The following KHDRBS3 variants were observed in gnomAD, a reference collection of about 807,000 sequenced individuals.
KHDRBS3 encodes KH domain-containing, RNA-binding, signal transduction-associated protein 3.
Under a neutral mutation model 45.6 loss-of-function variants are expected in KHDRBS3, and 23 were observed. That is an observed-to-expected ratio of 0.50 (90% CI 0.36 to 0.72). KHDRBS3 has a LOEUF of 0.72. Among genes scored for constraint, KHDRBS3 ranks in the 30% least tolerant of loss-of-function variants. The probability of loss-of-function intolerance (pLI) is 0.00; values close to 1 mark genes in which losing one functional copy is unlikely to be tolerated. For synonymous variants in KHDRBS3, 162 were observed against 156.5 expected, an observed-to-expected ratio of 1.04 and a Z score of -0.26; for missense variants, 352 against 424.8, an observed-to-expected ratio of 0.83 and a Z score of 1.51.
chr8:135,481,700 G>A (rs1186535006), intron 1 of KHDRBS3, among the ~76,000 whole-genome samples: 2 of 152,140 alleles, frequency 1.3e-5, no homozygotes, highest in African/African-American at 4.8e-5. Flanking sequence ...GACTTACATC[G>A]TCGACTAACG....
At chr8:135,542,558 A>G (rs543218834) in intron 2 of KHDRBS3, 96 bp from the exon 3 acceptor site, 15 of 741,664 alleles carry the variant, frequency 2.0e-5, no homozygotes, top group South Asian at 1.6e-4. Flanking sequence ...CCATTAATCA[A>G]TGATGTGTAG....
intron 6 of KHDRBS3, among the ~76,000 whole-genome samples, chr8:135,599,877 C>T (rs1829129053): frequency 6.6e-6 from 1 of 152,102 alleles, no homozygotes; most frequent in Non-Finnish European, 1.5e-5. Context: ...GCTGCAGGGC[C>T]GTCACGCAGG....
intron 4 of KHDRBS3, among the ~76,000 whole-genome samples, chr8:135,654,597 G>A (rs926321311): frequency 1.3e-5 from 2 of 152,188 alleles, no homozygotes; most frequent in African/African-American, 4.8e-5. Context: ...GGTCCAGTAA[G>A]GACACCTCCT....
chr8:135,600,543 T>G (rs1248447250), intron 6 of KHDRBS3, among the ~76,000 whole-genome samples: 3 of 152,184 alleles, frequency 2.0e-5, no homozygotes, highest in African/African-American at 7.2e-5. Flanking sequence ...TTCCTAGGTG[T>G]GTGTGGACTG....
intron 6 of KHDRBS3, among the ~76,000 whole-genome samples, chr8:135,585,016 G>C (rs929275226): frequency 6.6e-6 from 1 of 151,416 alleles, no homozygotes; most frequent in Admixed American, 6.6e-5. Context: ...GAGGTCAGGA[G>C]TTCAAGACCA....
At chr8:135,491,426 A>G (rs1823145364) in intron 1 of KHDRBS3, among the ~76,000 whole-genome samples, 1 of 152,242 alleles carries the variant, frequency 6.6e-6, no homozygotes, top group Admixed American at 6.5e-5. Flanking sequence ...GAAAGAAAAA[A>G]AAAATGAACT....
chr8:135,547,247 A>G (rs533817370), intron 3 of KHDRBS3, among the ~76,000 whole-genome samples: 1 of 152,154 alleles, frequency 6.6e-6, no homozygotes, highest in Non-Finnish European at 1.5e-5. Context: ...ATTCCCTTAT[A>G]TTTTTTCCTT....
At chr8:135,463,341 T>A (rs1821527929) in intron 1 of KHDRBS3, among the ~76,000 whole-genome samples, 1 of 152,120 alleles carries the variant, frequency 6.6e-6, no homozygotes, top group African/African-American at 2.4e-5. Flanking sequence ...TCTTACAGCT[T>A]TAGAGGACCT....
chr8:135,628,762 T>C (rs1190927349), intron 7 of KHDRBS3, among the ~76,000 whole-genome samples: 4 of 152,206 alleles, frequency 2.6e-5, no homozygotes, highest in African/African-American at 9.6e-5. Context: ...CTGAGTAATC[T>C]GTCTTCCTGA....
In KHDRBS3 at chr8:135,495,818, A is replaced by G. The variant is rs1823410057; in HGVS notation, c.89-25419A>G. Among the ~76,000 whole-genome samples, 3 of 152,112 alleles carry G rather than the reference A, an allele frequency of 2.0e-5. No individual in the cohort carries two copies. In the South Asian group the frequency reaches 6.2e-4, roughly 32 times the overall value. On this transcript the variant is annotated intron_variant, in intron 1 of 8. Transcript: ENST00000355849. Reference sequence around the variant, plus strand: ...AGAAGAGTGGTGAAGAGTGGAGAAGAGTTGTGTAGGAAGAGCCGATCTTGG... The same window carrying G: ...AGAAGAGTGGTGAAGAGTGGAGAAGGGTTGTGTAGGAAGAGCCGATCTTGG...
chr8:135,646,941 C>G (rs988453215), intron 8 of KHDRBS3, 52 bp from the exon 9 acceptor site: 3 of 968,230 alleles, frequency 3.1e-6, no homozygotes, highest in Admixed American at 3.4e-5. Context: ...AAAAATGAAG[C>G]CTGTGGGATT....
At chr8:135,467,506 A>G (rs939671258) in intron 1 of KHDRBS3, among the ~76,000 whole-genome samples, 6 of 152,232 alleles carry the variant, frequency 3.9e-5, no homozygotes, top group African/African-American at 7.2e-5. Flanking sequence ...TTCAGTTTGC[A>G]GTAGCTGCTT....
In KHDRBS3 at chr8:135,459,543, T is replaced by C. The variant is rs75583942; in HGVS notation, c.88+1589T>C. 3.2e-4 allele frequency among the ~76,000 whole-genome samples: 48 copies of C among 152,328 alleles called. 2 individuals are homozygous for C. The East Asian group carries it at 8.3e-3, about 26-fold the overall frequency. On this transcript the variant is annotated intron_variant, in intron 1 of 8. Transcript: ENST00000355849. ...GTATCTTTTATTGCCTGCTGGGCTG[T>C]CATCTCTGTGAAAGAAATTTCTTCA...
At chr8:135,530,794 C>G (rs1298464976) in intron 2 of KHDRBS3, among the ~76,000 whole-genome samples, 1 of 152,202 alleles carries the variant, frequency 6.6e-6, no homozygotes, top group Non-Finnish European at 1.5e-5. Flanking sequence ...GCACTTCTCT[C>G]TCATTGACCT....
At chr8:135,494,019 A>G (rs1823287974) in intron 1 of KHDRBS3, among the ~76,000 whole-genome samples, 2 of 152,072 alleles carry the variant, frequency 1.3e-5, no homozygotes, top group Non-Finnish European at 2.9e-5. Context: ...TGAATTATCA[A>G]ATTTATTGGT....
At chr8:135,543,199 T>C (rs1826127796) in intron 3 of KHDRBS3, among the ~76,000 whole-genome samples, 1 of 152,196 alleles carries the variant, frequency 6.6e-6, no homozygotes, top group Admixed American at 6.6e-5. Context: ...TATTTGATAT[T>C]GTGTGCATTT....
At chr8:135,618,342 T>C (rs1440121077) in intron 7 of KHDRBS3, among the ~76,000 whole-genome samples, 2 of 152,184 alleles carry the variant, frequency 1.3e-5, no homozygotes, top group Non-Finnish European at 2.9e-5. Context: ...GTTGGATAGA[T>C]AGTAATATAA....
intron 1 of KHDRBS3, among the ~76,000 whole-genome samples, chr8:135,460,988 A>G (rs1329769614): frequency 6.6e-6 from 1 of 152,020 alleles, no homozygotes; most frequent in Non-Finnish European, 1.5e-5. Context: ...TGGCTTTTAT[A>G]TTTTTCCAGA....
intron 7 of KHDRBS3, among the ~76,000 whole-genome samples, chr8:135,609,990 A>G (rs538213391): frequency 9.9e-5 from 15 of 152,056 alleles, no homozygotes; most frequent in African/African-American, 3.6e-4. Context: ...CTATACAATA[A>G]ATAGAGTTTC....
Sources: allele counts gnomAD v4.1 joint callset (sites outside exome capture counted in the v4.1 genomes callset), GRCh38; gene constraint gnomAD v4.1.1; transcripts MANE v1.5; gene names NCBI Gene and HGNC (gene_info 2026-07-23, HGNC 2026-07-21).